Variants in DPP8 observed in about 807,000 individuals in gnomAD.
DPP8 encodes dipeptidyl peptidase 8.
Under a neutral mutation model 107.5 loss-of-function variants are expected in DPP8, and 31 were observed. The ratio of observed to expected loss-of-function variants is 0.29; its 90% CI spans 0.22 to 0.39. The LOEUF is 0.39. Ranked by LOEUF, DPP8 falls within the 10% of genes least tolerant of loss-of-function variation. The pLI is 1.00. For synonymous variants in DPP8, 381 were observed against 356.6 expected, an observed-to-expected ratio of 1.07 and a Z score of -0.77; for missense variants, 842 against 1,076.1, an observed-to-expected ratio of 0.78 and a Z score of 3.04.
In DPP8 at chr15:65,478,944, G is replaced by A. The variant is rs752101822; in HGVS notation, c.1392C>T (p.Tyr464=). The A allele has an allele frequency of 1.9e-6, 3 of 1,594,266 alleles. No homozygotes were observed. The South Asian group carries it at 3.5e-5, about 18-fold the overall frequency. The change falls in exon 11 of 20, where the codon TAC becomes TAT. Residue 464 remains tyrosine, a synonymous_variant. Coordinates refer to ENST00000300141, the MANE Select transcript of DPP8 (RefSeq NM_130434.5). ...TTTCCTTTAAAATAGATGTAATTTT[G>A]TATAAATGACGGAAACCTGTTTTGC... The part of the protein sequence containing the change: ...SECKTGFRHL[Y]KITSILKESK...
At chr15:65,494,070 C>T (rs922515656) in intron 5 of DPP8, among the ~76,000 whole-genome samples, 1 of 147,732 alleles carries the variant, frequency 6.8e-6, no homozygotes, top group Non-Finnish European at 1.5e-5. Flanking sequence ...GATGTGGAAA[C>T]TAAGAGATGG....
intron 12 of DPP8, among the ~76,000 whole-genome samples, chr15:65,473,689 C>A (rs942781196): frequency 1.3e-5 from 2 of 151,950 alleles, no homozygotes; most frequent in Admixed American, 6.6e-5. Flanking sequence ...AAGAAAATAA[C>A]CTTTGGTAAT....
intron 10 of DPP8, 108 bp downstream of exon 10, chr15:65,480,114 G>A (rs2066777913): frequency 5.8e-6 from 5 of 866,924 alleles, no homozygotes; most frequent in Admixed American, 2.8e-5. Flanking sequence ...GAAATAACAT[G>A]GTCCCTTTAA....
At position 65,510,426 on chromosome 15, in the gene DPP8, C is replaced by G. The variant is rs573081187; in HGVS notation, c.259+1869G>C. On this transcript the variant is annotated intron_variant, in intron 2 of 19. Coordinates refer to ENST00000300141, the MANE Select transcript of DPP8 (RefSeq NM_130434.5). ...CTTCAAATCATTAAGAAAAAGAAAC[C>G]CTCTTCAGGGGTTGGGTGGAAAAAG... 6.3e-4 allele frequency among the ~76,000 whole-genome samples: 96 copies of G among 151,582 alleles called. 1 individual carries two copies. In the South Asian group the frequency reaches 8.5e-3, roughly 13 times the overall value.
intron 12 of DPP8, among the ~76,000 whole-genome samples, chr15:65,467,787 C>G (rs912060519): frequency 6.6e-6 from 1 of 152,116 alleles, no homozygotes; most frequent in Non-Finnish European, 1.5e-5. Flanking sequence ...TCTTAAAATA[C>G]AAGAATTATT....
rs1012768999 is a variant in DPP8, at chr15:65,505,052, T to C, written c.372+2191A>G. Reference sequence around the variant, plus strand: ...TTTCAGGAATGACATATCTGGTATCTTCTTTAAAACTGTCTGAGCAGGGCC... The same window carrying C: ...TTTCAGGAATGACATATCTGGTATCCTCTTTAAAACTGTCTGAGCAGGGCC... On this transcript the variant is annotated intron_variant, in intron 3 of 19. Transcript: ENST00000300141. Among the ~76,000 whole-genome samples the C allele has an allele frequency of 2.6e-4, 40 of 152,050 alleles. 1 individual carries two copies. The highest frequency in any genetic ancestry group is 9.6e-4 in the African/African-American group (40 of 41,496).
chr15:65,451,872 C>T, intron 18 of DPP8, 88 bp downstream of exon 18: 5 of 1,326,554 alleles, frequency 3.8e-6, no homozygotes, highest in African/African-American at 1.5e-5. Flanking sequence ...CTGCAGGGAG[C>T]CCTGATCATG....
intron 5 of DPP8, among the ~76,000 whole-genome samples, chr15:65,493,598 T>A (rs933114497): frequency 2.6e-5 from 4 of 152,128 alleles, no homozygotes; most frequent in African/African-American, 9.7e-5. Context: ...TAATGAAAAC[T>A]AAGCTCAGTT....
intron 15 of DPP8, among the ~76,000 whole-genome samples, chr15:65,458,071 T>TAGA (rs1180904514): frequency 6.6e-6 from 1 of 152,252 alleles, no homozygotes; most frequent in African/African-American, 2.4e-5. Context: ...CTACCATGTA[T>TAGA]AGAAGATGGT....
chr15:65,449,502 C>T (rs987108743), intron 19 of DPP8, among the ~76,000 whole-genome samples: 12 of 151,800 alleles, frequency 7.9e-5, no homozygotes, highest in Non-Finnish European at 1.5e-4. Flanking sequence ...CTCTGCCTCC[C>T]GGGTTCAAGC....
chr15:65,505,046 G>A (rs1334075244), intron 3 of DPP8, among the ~76,000 whole-genome samples: 2 of 151,854 alleles, frequency 1.3e-5, no homozygotes, highest in Admixed American at 6.6e-5. Flanking sequence ...TGACATATCT[G>A]GTATCTTCTT....
Position 65,467,197 on chromosome 15 carries a change from C to T in DPP8, c.1563G>A (p.Leu521=). 1.2e-6 allele frequency: 2 copies of T among 1,614,072 alleles called. No homozygotes were observed. The highest frequency in any genetic ancestry group is 1.7e-6 in the Non-Finnish European group (2 of 1,180,004). The change falls in exon 13 of 20, where the codon CTG becomes CTA. Residue 521 remains leucine (L), a synonymous_variant. Coordinates refer to ENST00000300141, the MANE Select transcript of DPP8 (RefSeq NM_130434.5). The part of the protein sequence containing the change: ...SNIQVDEVRR[L]VYFEGTKDSP... ...AGTCTTTGGTGCCTTCAAAATATACCAGCCTTCTGACTTCATCAACTTGGA... is the reference window on the plus strand; with the variant it reads ...AGTCTTTGGTGCCTTCAAAATATACTAGCCTTCTGACTTCATCAACTTGGA...
chr15:65,450,033 T>C (rs960169523), intron 19 of DPP8, among the ~76,000 whole-genome samples: 1 of 152,082 alleles, frequency 6.6e-6, no homozygotes, highest in Non-Finnish European at 1.5e-5. Context: ...AATAGCGCGA[T>C]CTCAGCTGAT....
intron 5 of DPP8, among the ~76,000 whole-genome samples, chr15:65,497,051 G>T (rs635728): frequency 6.6e-6 from 1 of 151,692 alleles, no homozygotes; most frequent in African/African-American, 2.4e-5. Context: ...CCACCATTCC[G>T]GCTAATTTTT....
intron 19 of DPP8, chr15:65,450,781 C>T: frequency 2.5e-6 from 1 of 408,020 alleles, no homozygotes. Context: ...TACAGACACA[C>T]AGTCATGTAA....
chr15:65,498,086 C>T, intron 4 of DPP8, 54 bp from the exon 5 acceptor site: 2 of 1,267,848 alleles, frequency 1.6e-6, no homozygotes, highest in Non-Finnish European at 1.1e-6. Context: ...CATACATGTT[C>T]CAGCACCCTT....
chr15:65,470,727 T>A (rs2065807828), intron 12 of DPP8, among the ~76,000 whole-genome samples: 1 of 151,854 alleles, frequency 6.6e-6, no homozygotes, highest in South Asian at 2.1e-4. Flanking sequence ...AAGACCCTCC[T>A]GGCCAACATG....
chr15:65,485,544 C>CAAAAAAAAAAAAAAAAAAAAAAAA (rs56940292), intron 7 of DPP8, among the ~76,000 whole-genome samples: 3 of 61,276 alleles, frequency 4.9e-5, no homozygotes, highest in Non-Finnish European at 6.7e-5. Flanking sequence ...GACTCCATCT[C>CAAAAAAAAAAAAAAAAAAAAAAAA]AAAAAAAAAA....
chr15:65,491,825 C>G (rs1484861809), intron 5 of DPP8, among the ~76,000 whole-genome samples: 1 of 152,132 alleles, frequency 6.6e-6, no homozygotes, highest in Non-Finnish European at 1.5e-5. Context: ...CTCCACCTCC[C>G]GGGTTCACGC....
Sources: allele counts gnomAD v4.1 joint callset (sites outside exome capture counted in the v4.1 genomes callset), GRCh38; gene constraint gnomAD v4.1.1; transcripts MANE v1.5; gene names NCBI Gene and HGNC (gene_info 2026-07-23, HGNC 2026-07-21).